The following CNTNAP2 variants were observed in gnomAD, a reference collection of about 807,000 sequenced individuals.
CNTNAP2 encodes the protein contactin associated protein 2, also known as contactin-associated protein-like 2.
In CNTNAP2, 98 loss-of-function variants were observed where a neutral mutation model predicts 155.2. That is an observed-to-expected ratio of 0.63 (90% CI 0.54 to 0.75). The LOEUF is 0.75. Among genes scored for constraint, CNTNAP2 ranks in the 30% least tolerant of loss-of-function variants. CNTNAP2 has a pLI of 0.00. For synonymous variants in CNTNAP2, 651 were observed against 631.2 expected (o/e 1.03, Z -0.47); for missense variants, 1,727 against 1,688.1 (o/e 1.02, Z -0.40).
intron 13 of CNTNAP2, among the ~76,000 whole-genome samples, chr7:147,668,017 T>G (rs1316862371): frequency 6.6e-6 from 1 of 151,868 alleles, no homozygotes; most frequent in African/African-American, 2.4e-5. Flanking sequence ...ATCAACAAGG[T>G]GGTGGTTGAA....
intron 11 of CNTNAP2, among the ~76,000 whole-genome samples, chr7:147,518,472 T>C (rs1397693974): frequency 6.6e-6 from 1 of 152,324 alleles, no homozygotes; most frequent in African/African-American, 2.4e-5. Flanking sequence ...TAGCATCATC[T>C]CTTGCAGTCT....
intron 3 of CNTNAP2, among the ~76,000 whole-genome samples, chr7:147,035,705 A>G (rs1272910796): frequency 6.6e-6 from 1 of 152,038 alleles, no homozygotes; most frequent in Non-Finnish European, 1.5e-5. Context: ...CTTAAGTAAA[A>G]CCTTTACATG....
At chr7:146,248,875 A>AGTT (rs1799710011) in intron 1 of CNTNAP2, among the ~76,000 whole-genome samples, 1 of 152,162 alleles carries the variant, frequency 6.6e-6, no homozygotes, top group Non-Finnish European at 1.5e-5. Context: ...AAAAGCTTTT[A>AGTT]ATCACCTGGG....
intron 1 of CNTNAP2, among the ~76,000 whole-genome samples, chr7:146,415,144 G>A (rs1409592201): frequency 1.3e-5 from 2 of 152,022 alleles, no homozygotes; most frequent in Admixed American, 1.3e-4. Flanking sequence ...TTCATAAGGA[G>A]CAAAGCACCA....
intron 1 of CNTNAP2, among the ~76,000 whole-genome samples, chr7:146,261,986 T>A (rs1799925680): frequency 6.6e-6 from 1 of 152,194 alleles, no homozygotes. Flanking sequence ...CTGCATTGAT[T>A]GTTAGAAACA....
At chr7:147,972,475 G>T (rs971994290) in intron 14 of CNTNAP2, among the ~76,000 whole-genome samples, 6 of 152,130 alleles carry the variant, frequency 3.9e-5, no homozygotes, top group African/African-American at 1.4e-4. Context: ...CTGCCTGGAG[G>T]CTTCTTTGCT....
intron 8 of CNTNAP2, among the ~76,000 whole-genome samples, chr7:147,242,987 A>ATTTGTTTTTT (rs1803974970): frequency 2.1e-5 from 1 of 47,168 alleles, no homozygotes; most frequent in Non-Finnish European, 3.6e-5. Flanking sequence ...TATGCTTTGC[A>ATTTGTTTTTT]TTTTTTTTTT....
At chr7:147,418,231 G>A (rs1356354046) in intron 10 of CNTNAP2, among the ~76,000 whole-genome samples, 1 of 152,106 alleles carries the variant, frequency 6.6e-6, no homozygotes, top group African/African-American at 2.4e-5. Context: ...TTTGATTTCT[G>A]GTGGTTTTTG....
intron 1 of CNTNAP2, among the ~76,000 whole-genome samples, chr7:146,218,816 A>T (rs944824362): frequency 2.0e-5 from 3 of 152,298 alleles, no homozygotes; most frequent in Non-Finnish European, 2.9e-5. Context: ...TGAGTCAGAT[A>T]TCCACAGGGT....
chr7:147,679,315 C>T (rs1386632282), intron 13 of CNTNAP2, among the ~76,000 whole-genome samples: 1 of 151,866 alleles, frequency 6.6e-6, no homozygotes, highest in Non-Finnish European at 1.5e-5. Context: ...TAATATGATA[C>T]ACTAAGGAAA....
chr7:148,005,224 A>G (rs1040515388), intron 15 of CNTNAP2, among the ~76,000 whole-genome samples: 1 of 152,090 alleles, frequency 6.6e-6, no homozygotes, highest in African/African-American at 2.4e-5. Flanking sequence ...TTCTCCTTAT[A>G]TCCTCCCAAG....
intron 3 of CNTNAP2, among the ~76,000 whole-genome samples, chr7:147,024,019 C>G (rs954065453): frequency 6.6e-6 from 1 of 152,170 alleles, no homozygotes; most frequent in Non-Finnish European, 1.5e-5. Flanking sequence ...TCATTCAGAA[C>G]TTAATCACAG....
chr7:146,753,547 A>C (rs1801942156), intron 1 of CNTNAP2, among the ~76,000 whole-genome samples: 1 of 152,080 alleles, frequency 6.6e-6, no homozygotes. Flanking sequence ...TTTGACTTTC[A>C]ATATTCTATA....
At chr7:147,376,914 T>G (rs1210644847) in intron 9 of CNTNAP2, among the ~76,000 whole-genome samples, 1 of 151,984 alleles carries the variant, frequency 6.6e-6, no homozygotes, top group African/African-American at 2.4e-5. Context: ...CCATACTAAT[T>G]TTCTTTTTCT....
At chr7:147,711,449 A>G (rs1796399085) in intron 13 of CNTNAP2, among the ~76,000 whole-genome samples, 1 of 152,192 alleles carries the variant, frequency 6.6e-6, no homozygotes, top group African/African-American at 2.4e-5. Flanking sequence ...CGAAGGGATG[A>G]CCTTCCTTCA....
chr7:146,728,035 T>C lies in CNTNAP2; in HGVS notation c.98-46236T>C, dbSNP rs73740833. Among the ~76,000 whole-genome samples the C allele has an allele frequency of 9.1e-3, 1,383 of 152,170 alleles. 24 individuals carry two copies. The highest frequency in any genetic ancestry group is 0.032 in the African/African-American group (1,318 of 41,508). On this transcript the variant is annotated intron_variant, in intron 1 of 23. Transcript: ENST00000361727. ...CAATGGCTAAACCGACGATTTCAAC[T>C]CACGGTGGCAAAGAGCATCACGAGC... is the stretch of plus-strand genomic sequence containing the variant.
chr7:147,077,773 C>T (rs1800025126), intron 4 of CNTNAP2, among the ~76,000 whole-genome samples: 2 of 152,086 alleles, frequency 1.3e-5, no homozygotes, highest in African/African-American at 2.4e-5. Flanking sequence ...TGATAGTACC[C>T]TCATAATAGG....
At chr7:146,848,534 G>GT (rs1357909288) in intron 3 of CNTNAP2, among the ~76,000 whole-genome samples, 2 of 152,078 alleles carry the variant, frequency 1.3e-5, no homozygotes, top group Non-Finnish European at 2.9e-5. Flanking sequence ...GCTTGCCTAG[G>GT]TTGTTTTGGG....
intron 14 of CNTNAP2, among the ~76,000 whole-genome samples, chr7:147,958,256 T>C (rs1563148654): frequency 6.6e-6 from 1 of 152,172 alleles, no homozygotes; most frequent in African/African-American, 2.4e-5. Flanking sequence ...ATTATAATGA[T>C]CACCAAAAAA....
Sources: gnomAD v4.1 joint callset for allele counts (sites outside exome capture counted in the v4.1 genomes callset) on GRCh38, gnomAD v4.1.1 for gene constraint, MANE v1.5 for transcripts, NCBI Gene and HGNC (gene_info 2026-07-23, HGNC 2026-07-21) for gene names.